The following GLE1 variants were observed in gnomAD, a reference collection of about 807,000 sequenced individuals.
The protein encoded by GLE1 is mRNA export factor GLE1.
Under a neutral mutation model 97.3 loss-of-function variants are expected in GLE1, and 78 were observed. That is an observed-to-expected ratio of 0.80 (90% CI 0.67 to 0.97). The LOEUF is 0.97. GLE1 is among the 50% of genes least tolerant of loss of function. The probability of loss-of-function intolerance (pLI) is 0.00; values close to 1 mark genes in which losing one functional copy is unlikely to be tolerated. For synonymous variants in GLE1, 302 were observed against 313.4 expected (o/e 0.96, Z 0.39); for missense variants, 753 against 857.5 (o/e 0.88, Z 1.52).
chr9:128,507,256 C>T (rs1036689218), intron 1 of GLE1, among the ~76,000 whole-genome samples: 65 of 151,776 alleles, frequency 4.3e-4, no homozygotes, highest in African/African-American at 1.3e-3. Context: ...CAACACTTTG[C>T]GAGGCTGAGG....
intron 7 of GLE1, among the ~76,000 whole-genome samples, chr9:128,526,213 G>A (rs529695962): frequency 1.8e-4 from 28 of 151,770 alleles, no homozygotes; most frequent in African/African-American, 5.8e-4. Context: ...GTAAAGATGG[G>A]ATTTCACCAC....
intron 6 of GLE1, 38 bp downstream of exon 6, chr9:128,523,884 A>T (rs1202715123): frequency 6.2e-7 from 1 of 1,610,658 alleles, no homozygotes; most frequent in Non-Finnish European, 8.5e-7. Flanking sequence ...GCTGTCTTTG[A>T]AATGGAAGCC....
rs776810152 is a variant in GLE1 at position 128,527,460 on chromosome 9, A to G, written c.1247A>G (p.Lys416Arg). The G allele has an allele frequency of 2.5e-6, 4 of 1,611,764 alleles. No homozygotes were observed. Among genetic ancestry groups the G allele is most frequent in the South Asian group, 2.2e-5 (2 of 91,020 alleles). Residue 416 changes from lysine (K) to arginine (R), a missense_variant, in exon 9 of 16, where the codon AAA (lysine) becomes AGA (arginine). Transcript: ENST00000309971. ...CTCACTGTTCTCTTCTGGCAGGCCA[A>G]AAAGATAAAGATGGACCTCCAGAAG... Reference protein sequence around the residue: ...GLTNSKDSQAKKIKMDLQKAA... With the variant: ...GLTNSKDSQARKIKMDLQKAA...
chr9:128,504,965 C>T (rs369433921), intron 1 of GLE1, 61 bp downstream of exon 1: 56 of 1,139,586 alleles, frequency 4.9e-5, no homozygotes, highest in South Asian at 2.8e-4. Context: ...AACCTTCTCC[C>T]TAGCCGTTGG....
At chr9:128,517,674 G>A (rs925493334) in intron 3 of GLE1, among the ~76,000 whole-genome samples, 4 of 151,892 alleles carry the variant, frequency 2.6e-5, no homozygotes, top group African/African-American at 9.7e-5. Flanking sequence ...TCCTCTATAT[G>A]TCCTATTCTT....
intron 12 of GLE1, 76 bp from the exon 13 acceptor site, chr9:128,537,910 T>A (rs1456172367): frequency 1.7e-5 from 14 of 838,128 alleles, no homozygotes; most frequent in Non-Finnish European, 1.8e-5. Context: ...CACTTGGTAA[T>A]GGCTGGATGA....
At chr9:128,534,355 C>T (rs530127665) in intron 11 of GLE1, among the ~76,000 whole-genome samples, 1 of 152,134 alleles carries the variant, frequency 6.6e-6, no homozygotes, top group East Asian at 1.9e-4. Context: ...GGTGACACAG[C>T]AAGAGTGTGT....
At chr9:128,530,835 G>A (rs910463195) in intron 9 of GLE1, among the ~76,000 whole-genome samples, 67 of 151,080 alleles carry the variant, frequency 4.4e-4, no homozygotes, top group Non-Finnish European at 1.5e-4. Context: ...CATGAACCCG[G>A]GAGGCGGAGC....
rs773628821 is a variant in GLE1 at position 128,523,720 on chromosome 9, G to A, written c.771G>A (p.Gln257=). 1 of 1,614,116 alleles carries A rather than the reference G, an allele frequency of 6.2e-7. No individual in the cohort carries two copies. The highest frequency in any genetic ancestry group is 8.5e-7 in the Non-Finnish European group (1 of 1,180,026). ...ALYALQEEML[Q]LSQQLDASEQ... ...ATGCTCTGCAGGAGGAGATGCTGCA[G>A]CTCAGCCAGCAGCTGGATGCCTCTG... The change falls in exon 6 of 16, where the codon CAG becomes CAA. Residue 257 remains glutamine (Q), a synonymous_variant. Coordinates refer to ENST00000309971, the MANE Select transcript of GLE1 (RefSeq NM_001003722.2).
At chr9:128,514,140 C>T (rs1589046477) in intron 2 of GLE1, among the ~76,000 whole-genome samples, 1 of 151,504 alleles carries the variant, frequency 6.6e-6, no homozygotes, top group Non-Finnish European at 1.5e-5. Flanking sequence ...GAGTTTGGGA[C>T]CAGCCTGGGC....
intron 3 of GLE1, among the ~76,000 whole-genome samples, chr9:128,522,011 T>C (rs761525024): frequency 1.3e-5 from 2 of 152,114 alleles, no homozygotes; most frequent in Non-Finnish European, 1.5e-5. Context: ...ATCAGTGAGA[T>C]AGGAATGTGT....
chr9:128,523,151 AAC>A (rs1170428722), intron 4 of GLE1, 127 bp from the exon 5 acceptor site: 1 of 797,770 alleles, frequency 1.3e-6, no homozygotes, highest in African/African-American at 1.7e-5. Context: ...TGGGCAACAT[AAC>A]GAGACCCCAT....
chr9:128,529,776 G>A (rs191977286), intron 9 of GLE1, among the ~76,000 whole-genome samples: 103 of 151,268 alleles, frequency 6.8e-4, no homozygotes, highest in Middle Eastern at 3.4e-3. Flanking sequence ...GTGATTCCTA[G>A]GGATCTACTC....
rs1282765064 is a variant in GLE1, at chr9:128,527,308, TG to T, written c.1242+19del. The T allele has an allele frequency of 1.4e-6, 2 of 1,458,592 alleles. No homozygotes were observed. The highest frequency in any genetic ancestry group is 1.9e-6 in the Non-Finnish European group (2 of 1,037,846). 90.4% of individuals were successfully genotyped at this position (1,458,592 alleles called of 1,614,324 possible). ...GACAGTCAGGTAGGGGAGAGGTATATGGCAGTAATTTTGTGGACTTGATGGT... is the reference window on the plus strand; with the variant it reads ...GACAGTCAGGTAGGGGAGAGGTATATGCAGTAATTTTGTGGACTTGATGGT... On this transcript the variant is annotated intron_variant, in intron 8 of 15. Coordinates refer to ENST00000309971, the MANE Select transcript of GLE1 (RefSeq NM_001003722.2).
chr9:128,536,312 G>C, intron 11 of GLE1, 43 bp from the exon 12 acceptor site: 1 of 1,581,524 alleles, frequency 6.3e-7, no homozygotes. Context: ...GGGATTACAA[G>C]CGTGAGCCAC....
chr9:128,528,755 A>C (rs1847387766), intron 9 of GLE1: 1 of 152,224 alleles, frequency 6.6e-6, no homozygotes, highest in Admixed American at 6.5e-5. Flanking sequence ...TAGCTTTTCC[A>C]AATTACTCCA....
At chr9:128,531,268 T>C (rs1055334487) in intron 9 of GLE1, among the ~76,000 whole-genome samples, 10 of 147,116 alleles carry the variant, frequency 6.8e-5, no homozygotes, top group Admixed American at 4.1e-4. Context: ...TGGCTCACAC[T>C]TGTAGTCCCA....
intron 3 of GLE1, among the ~76,000 whole-genome samples, chr9:128,517,466 G>C (rs1297627453): frequency 3.3e-5 from 5 of 152,166 alleles, no homozygotes; most frequent in Admixed American, 3.3e-4. Flanking sequence ...AAGTAAACAA[G>C]AGAAATAAGT....
chr9:128,530,889 A>T (rs1237035496), intron 9 of GLE1, among the ~76,000 whole-genome samples: 2 of 141,572 alleles, frequency 1.4e-5, no homozygotes, highest in Admixed American at 1.4e-4. Context: ...GTCCTGGGTG[A>T]AAGAGCGAGA....
Sources: gnomAD v4.1 joint callset for allele counts (sites outside exome capture counted in the v4.1 genomes callset) on GRCh38, gnomAD v4.1.1 for gene constraint, MANE v1.5 for transcripts, NCBI Gene and HGNC (gene_info 2026-07-23, HGNC 2026-07-21) for gene names.